The following PTPRK variants were observed in gnomAD, a reference collection of about 807,000 sequenced individuals.
PTPRK encodes protein tyrosine phosphatase receptor type K.
PTPRK carries 75 observed loss-of-function variants against 178.0 expected under a neutral mutation model. The observed-to-expected ratio is 0.42, with a 90% CI of 0.35 to 0.51. The LOEUF (loss-of-function observed/expected upper bound fraction) is 0.51. Among genes scored for constraint, PTPRK ranks in the 20% least tolerant of loss-of-function variants. The pLI is 0.02. For synonymous variants in PTPRK, 637 were observed against 620.6 expected (o/e 1.03, Z -0.39); for missense variants, 1,441 against 1,797.8 (o/e 0.80, Z 3.59).
At chr6:128,458,212 C>G (rs1848620259) in intron 1 of PTPRK, among the ~76,000 whole-genome samples, 1 of 151,970 alleles carries the variant, frequency 6.6e-6, no homozygotes, top group Non-Finnish European at 1.5e-5. Context: ...TCCATCCAAA[C>G]TAAAAATCAG....
chr6:128,021,571 C>T (rs1254437891), intron 13 of PTPRK, among the ~76,000 whole-genome samples: 4 of 152,152 alleles, frequency 2.6e-5, no homozygotes, highest in Non-Finnish European at 5.9e-5. Flanking sequence ...ACCCGGGAGG[C>T]GGAGCTTGCA....
intron 7 of PTPRK, among the ~76,000 whole-genome samples, chr6:128,181,750 A>G (rs1801944832): frequency 6.6e-6 from 1 of 152,008 alleles, no homozygotes; most frequent in Admixed American, 6.6e-5. Context: ...AGTCTGGGGG[A>G]CCTGAAATTT....
intron 15 of PTPRK, among the ~76,000 whole-genome samples, chr6:128,002,458 A>C (rs1464862978): frequency 6.6e-6 from 1 of 151,934 alleles, no homozygotes; most frequent in African/African-American, 2.4e-5. Flanking sequence ...TTGGTGTATA[A>C]TTAGTCAAGG....
chr6:128,067,706 G>A lies in PTPRK; in HGVS notation c.1970C>T (p.Thr657Ile). 2 of 1,613,838 alleles carry A rather than the reference G, an allele frequency of 1.2e-6. No individual in the cohort carries two copies. Among genetic ancestry groups the A allele is most frequent in the Non-Finnish European group, 1.7e-6 (2 of 1,179,802 alleles). The change falls in exon 12 of 30, where the codon ACA becomes ATA. Residue 657 changes from threonine to isoleucine, a missense_variant. Around this residue, in one of 4 missense-constraint regions of PTPRK, gnomAD observed 945 missense variants for 1,080.6 expected, o/e 0.87. Coordinates refer to ENST00000368226, the MANE Select transcript of PTPRK (RefSeq NM_002844.4). ...GAMECYQVPVTYQNAMSGGAP... is the reference protein window; with the variant it reads ...GAMECYQVPVIYQNAMSGGAP... The stretch of plus-strand genomic sequence containing the variant: ...ACCCCCACTCATGGCATTTTGGTAT[G>A]TGACAGGAACCTGGTAGCATTCCAT...
chr6:128,104,088 C>T (rs931510890), intron 7 of PTPRK, among the ~76,000 whole-genome samples: 23 of 152,334 alleles, frequency 1.5e-4, no homozygotes, highest in African/African-American at 4.6e-4. Context: ...CTCCTTTCCT[C>T]GCCTCCTGTA....
At chr6:128,469,209 A>G (rs1178994730) in intron 1 of PTPRK, among the ~76,000 whole-genome samples, 2 of 152,206 alleles carry the variant, frequency 1.3e-5, no homozygotes, top group African/African-American at 2.4e-5. Context: ...AGCATATATT[A>G]AGCCATCTAT....
intron 2 of PTPRK, among the ~76,000 whole-genome samples, chr6:128,375,553 G>T (rs1374066961): frequency 6.6e-6 from 1 of 151,990 alleles, no homozygotes; most frequent in Non-Finnish European, 1.5e-5. Flanking sequence ...GATTTTGGTG[G>T]GGACACAGCC....
At chr6:128,204,560 G>C (rs988891177) in intron 6 of PTPRK, among the ~76,000 whole-genome samples, 1 of 151,574 alleles carries the variant, frequency 6.6e-6, no homozygotes. Flanking sequence ...AGGAACTTAA[G>C]CGAATTTACA....
intron 2 of PTPRK, among the ~76,000 whole-genome samples, chr6:128,380,393 T>A (rs531398072): frequency 6.6e-6 from 1 of 152,172 alleles, no homozygotes; most frequent in African/African-American, 2.4e-5. Context: ...TTTCCCCTTA[T>A]AAACGCAACC....
intron 1 of PTPRK, among the ~76,000 whole-genome samples, chr6:128,451,920 T>C (rs1847845553): frequency 6.6e-6 from 1 of 152,198 alleles, no homozygotes; most frequent in African/African-American, 2.4e-5. Flanking sequence ...CACAATCTTC[T>C]AATAAAATGA....
rs118151342 is a variant in PTPRK, at chr6:128,030,439, A to G, written c.2195-21171T>C. ...CTTAACCAGCAGTGTTTCTAGCTCA[A>G]TCAGCAGTTGCTCATATTTATCTGT... On this transcript the variant is annotated intron_variant, in intron 13 of 29. Coordinates refer to ENST00000368226, the MANE Select transcript of PTPRK (RefSeq NM_002844.4). Among the ~76,000 whole-genome samples, 1,189 of 152,316 alleles carry G rather than the reference A, an allele frequency of 7.8e-3. 5 individuals carry two copies. The highest frequency in any genetic ancestry group is 0.012 in the Non-Finnish European group (846 of 68,026).
Position 128,384,664 on chromosome 6 carries a change from C to A in PTPRK, c.223+12902G>T, listed in dbSNP as rs868515783. On this transcript the variant is annotated intron_variant, in intron 2 of 29. Coordinates refer to ENST00000368226, the MANE Select transcript of PTPRK (RefSeq NM_002844.4). ...TATTTTGAAAAGTTTAGAGTAACTA[C>A]AAATGGAATGTGTGCAGAACATAAT... Among the ~76,000 whole-genome samples the A allele has an allele frequency of 5.3e-5, 8 of 151,998 alleles. No individual in the cohort carries two copies. The South Asian group carries it at 1.2e-3, about 24-fold the overall frequency.
At chr6:128,438,876 C>A (rs1275243817) in intron 1 of PTPRK, among the ~76,000 whole-genome samples, 1 of 151,964 alleles carries the variant, frequency 6.6e-6, no homozygotes, top group African/African-American at 2.4e-5. Context: ...CCAATAGTTG[C>A]ATCAACTCTG....
intron 6 of PTPRK, among the ~76,000 whole-genome samples, chr6:128,193,495 T>C (rs1030454350): frequency 1.3e-5 from 2 of 151,964 alleles, no homozygotes; most frequent in Admixed American, 6.6e-5. Flanking sequence ...TGTGTGTGTG[T>C]CCCTTGAACA....
chr6:128,393,820 G>T (rs1839939051), intron 2 of PTPRK, among the ~76,000 whole-genome samples: 1 of 151,970 alleles, frequency 6.6e-6, no homozygotes, highest in Admixed American at 6.6e-5. Context: ...GTGTGCATTG[G>T]TTTTTATTTT....
intron 5 of PTPRK, among the ~76,000 whole-genome samples, chr6:128,227,847 A>C (rs1005209171): frequency 4.6e-5 from 7 of 152,208 alleles, no homozygotes; most frequent in African/African-American, 1.7e-4. Flanking sequence ...AAGGAAAATT[A>C]GAAATTAAAG....
At chr6:128,518,899 A>G in intron 1 of PTPRK, 8 of 443,754 alleles carry the variant, frequency 1.8e-5, no homozygotes, top group South Asian at 1.1e-4. Context: ...GGGGTAGGAG[A>G]GCAATGGAAG....
intron 2 of PTPRK, among the ~76,000 whole-genome samples, chr6:128,370,609 G>T (rs929143106): frequency 6.6e-6 from 1 of 151,818 alleles, no homozygotes; most frequent in Non-Finnish European, 1.5e-5. Context: ...ATTTCTACCA[G>T]TAAAACTGTT....
intron 1 of PTPRK, among the ~76,000 whole-genome samples, chr6:128,501,653 T>C (rs1038907291): frequency 6.6e-6 from 1 of 152,224 alleles, no homozygotes; most frequent in Non-Finnish European, 1.5e-5. Context: ...AAACAAATAT[T>C]ATAAGAGCAT....
Sources: gnomAD v4.1 joint callset for allele counts (sites outside exome capture counted in the v4.1 genomes callset) on GRCh38, gnomAD v4.1.1 for gene constraint, gnomAD v4.1.1 regional missense constraint, MANE v1.5 for transcripts, NCBI Gene and HGNC (gene_info 2026-07-23, HGNC 2026-07-21) for gene names.